Variants in PDE5A observed in about 807,000 individuals in gnomAD.
PDE5A encodes the protein cGMP-specific 3',5'-cyclic phosphodiesterase.
In PDE5A, 67 loss-of-function variants were observed where a neutral mutation model predicts 110.2. The ratio of observed to expected loss-of-function variants is 0.61; its 90% CI spans 0.50 to 0.75. The LOEUF (loss-of-function observed/expected upper bound fraction) is 0.75. Ranked by LOEUF, PDE5A falls within the 30% of genes least tolerant of loss-of-function variation. The pLI, the probability that PDE5A is intolerant of heterozygous loss-of-function variation, is 0.00. For missense variants in PDE5A, 862 were observed against 1,045.1 expected (o/e 0.82, Z 2.42); for synonymous variants, 328 against 351.2 (o/e 0.93, Z 0.74).
chr4:119,591,311 A>G (rs1355444454), intron 3 of PDE5A, among the ~76,000 whole-genome samples: 1 of 152,090 alleles, frequency 6.6e-6, no homozygotes, highest in African/African-American at 2.4e-5. Flanking sequence ...TAAACCCTTC[A>G]CTCACATGAA....
intron 3 of PDE5A, among the ~76,000 whole-genome samples, chr4:119,587,025 T>C (rs950317395): frequency 2.6e-5 from 4 of 152,228 alleles, no homozygotes; most frequent in African/African-American, 9.6e-5. Context: ...ACATTCTTCT[T>C]TTAGGAAAGC....
chr4:119,541,112 G>A (rs1315072282), intron 10 of PDE5A, among the ~76,000 whole-genome samples: 1 of 152,036 alleles, frequency 6.6e-6, no homozygotes, highest in East Asian at 1.9e-4. Context: ...AGTGATAATG[G>A]TCATGGGTTG....
chr4:119,508,849 G>A (rs1262801337), intron 15 of PDE5A, among the ~76,000 whole-genome samples: 1 of 151,902 alleles, frequency 6.6e-6, no homozygotes, highest in Non-Finnish European at 1.5e-5. Flanking sequence ...TACAAAGATA[G>A]AATATATAGA....
At chr4:119,596,399 T>C in intron 3 of PDE5A, 124 bp downstream of exon 3, 1 of 472,562 alleles carries the variant, frequency 2.1e-6, no homozygotes. Context: ...GCAGAACATT[T>C]AAGAACTTTA....
In PDE5A at chr4:119,595,002, G is replaced by A. The variant is rs577064274; in HGVS notation, c.831+1521C>T. ...TGTGTTTTAGGCAAATTTCCAGGCA[G>A]TGATATGTAGAATGGACTAAAGGGA... On this transcript the variant is annotated intron_variant, in intron 3 of 20. Coordinates refer to ENST00000354960, the MANE Select transcript of PDE5A (RefSeq NM_001083.4). Among the ~76,000 whole-genome samples, 6 of 152,280 alleles carry A rather than the reference G, an allele frequency of 3.9e-5. No homozygotes were observed. The East Asian group carries it at 1.2e-3, about 29-fold the overall frequency.
At chr4:119,520,083 T>C (rs1049730569) in intron 13 of PDE5A, among the ~76,000 whole-genome samples, 4 of 152,142 alleles carry the variant, frequency 2.6e-5, no homozygotes, top group African/African-American at 7.2e-5. Context: ...TAAGGGATAC[T>C]CAACCTACAC....
intron 3 of PDE5A, among the ~76,000 whole-genome samples, chr4:119,593,884 A>C (rs1382607826): frequency 6.6e-6 from 1 of 152,120 alleles, no homozygotes; most frequent in Non-Finnish European, 1.5e-5. Flanking sequence ...AGAAGCAGAC[A>C]CCTTGGGCGG....
intron 12 of PDE5A, among the ~76,000 whole-genome samples, chr4:119,521,275 A>G (rs34868248): frequency 0.26 from 39,740 of 151,744 alleles, 5,294 homozygotes; most frequent in East Asian, 0.38. Flanking sequence ...ATTTGACTCC[A>G]CAGCCTACCA....
chr4:119,618,617 G>C (rs1007395489), intron 1 of PDE5A, among the ~76,000 whole-genome samples: 1 of 151,874 alleles, frequency 6.6e-6, no homozygotes, highest in Non-Finnish European at 1.5e-5. Context: ...GTACTACTTA[G>C]AGACTTTTTT....
intron 11 of PDE5A, among the ~76,000 whole-genome samples, chr4:119,533,695 T>C (rs958764043): frequency 6.6e-6 from 1 of 152,124 alleles, no homozygotes. Context: ...TAAATCTCAA[T>C]AAGAAAGAGG....
chr4:119,587,918 G>GGA (rs942973786), intron 3 of PDE5A, among the ~76,000 whole-genome samples: 1 of 152,128 alleles, frequency 6.6e-6, no homozygotes, highest in Non-Finnish European at 1.5e-5. Flanking sequence ...TCATAGACAA[G>GGA]GACTCCTTGG....
intron 11 of PDE5A, among the ~76,000 whole-genome samples, chr4:119,531,576 C>CA (rs959364486): frequency 1.3e-5 from 2 of 151,738 alleles, no homozygotes; most frequent in African/African-American, 4.8e-5. Flanking sequence ...CACGCCTGGC[C>CA]AAAAAAATGA....
At chr4:119,623,437 T>C (rs1334982918) in intron 1 of PDE5A, among the ~76,000 whole-genome samples, 1 of 152,192 alleles carries the variant, frequency 6.6e-6, no homozygotes, top group Non-Finnish European at 1.5e-5. Context: ...AATTGGCTGT[T>C]GGAACAAAGA....
chr4:119,622,639 C>T (rs1313639730), intron 1 of PDE5A, among the ~76,000 whole-genome samples: 1 of 151,852 alleles, frequency 6.6e-6, no homozygotes, highest in African/African-American at 2.4e-5. Flanking sequence ...TTTGAGAGGC[C>T]GAGGTGGGTG....
intron 11 of PDE5A, among the ~76,000 whole-genome samples, chr4:119,530,000 G>C (rs1036621103): frequency 2.0e-5 from 3 of 152,054 alleles, no homozygotes; most frequent in Non-Finnish European, 4.4e-5. Context: ...CTGGGAGTGG[G>C]GCTCAGCAAT....
rs1258511699 is a variant in PDE5A, at chr4:119,521,077, A to T, written c.1780-17T>A. The T allele has an allele frequency of 6.2e-7, 1 of 1,607,662 alleles. No homozygotes were observed. Among genetic ancestry groups the T allele is most frequent in the Admixed American group, 1.7e-5 (1 of 59,614 alleles). On this transcript the variant is annotated splice_polypyrimidine_tract_variant and intron_variant, in intron 12 of 20. Coordinates refer to ENST00000354960, the MANE Select transcript of PDE5A (RefSeq NM_001083.4). Reference sequence around the variant, plus strand: ...GCAAAGAACCTTTAGGGAATAAAACATAAGTAGTAACAATAATTGCCAACA... The same window carrying T: ...GCAAAGAACCTTTAGGGAATAAAACTTAAGTAGTAACAATAATTGCCAACA...
At position 119,619,183 on chromosome 4, in the gene PDE5A, C is replaced by G. The variant is rs80017005; in HGVS notation, c.152+9337G>C. ...CTCACATAAAAAATTATGTTGGCTA[C>G]TTTTCCTGCTCTTGGATCCTTATTT... On this transcript the variant is annotated intron_variant, in intron 1 of 20. Coordinates refer to ENST00000354960, the MANE Select transcript of PDE5A (RefSeq NM_001083.4). 4.0e-3 allele frequency among the ~76,000 whole-genome samples: 615 copies of G among 152,272 alleles called. 12 individuals carry two copies. In the East Asian group the frequency reaches 0.046, roughly 11 times the overall value.
chr4:119,566,634 G>A (rs1437440355), intron 4 of PDE5A, among the ~76,000 whole-genome samples: 1 of 152,142 alleles, frequency 6.6e-6, no homozygotes, highest in Non-Finnish European at 1.5e-5. Context: ...CTGTCTGTGC[G>A]CAAGGCTTAT....
At chr4:119,578,505 A>G (rs1477866678) in intron 3 of PDE5A, among the ~76,000 whole-genome samples, 2 of 152,220 alleles carry the variant, frequency 1.3e-5, no homozygotes, top group African/African-American at 4.8e-5. Flanking sequence ...GACCAATGGA[A>G]CAGAACAGAG....
Sources: allele counts gnomAD v4.1 joint callset (sites outside exome capture counted in the v4.1 genomes callset), GRCh38; gene constraint gnomAD v4.1.1; transcripts MANE v1.5; gene names NCBI Gene and HGNC (gene_info 2026-07-23, HGNC 2026-07-21).